The following RAD51B variants were observed in gnomAD, a reference collection of about 807,000 sequenced individuals.
RAD51B encodes the protein RAD51 paralog B.
Under a neutral mutation model 42.2 loss-of-function variants are expected in RAD51B, and 38 were observed. That is an observed-to-expected ratio of 0.90 (90% CI 0.70 to 1.18). RAD51B has a LOEUF of 1.18. Among genes scored for constraint, RAD51B ranks in the 50% most tolerant of loss-of-function variants. The pLI is 0.00. For synonymous variants in RAD51B, 154 were observed against 145.2 expected (o/e 1.06, Z -0.43); for missense variants, 373 against 400.7 (o/e 0.93, Z 0.59).
intron 10 of RAD51B, among the ~76,000 whole-genome samples, chr14:68,634,996 T>C (rs757368336): frequency 2.0e-5 from 3 of 152,326 alleles, no homozygotes; most frequent in Non-Finnish European, 4.4e-5. Context: ...GATGCATTAA[T>C]CCTTTCAAAA....
intron 8 of RAD51B, 45 bp downstream of exon 8, chr14:68,292,025 G>T (rs2081527674): frequency 6.7e-7 from 1 of 1,497,970 alleles, no homozygotes; most frequent in Non-Finnish European, 9.3e-7. Context: ...CACTGACATA[G>T]AGCCCCACTG....
chr14:67,969,547 A>G (rs1247042095), intron 7 of RAD51B, among the ~76,000 whole-genome samples: 3 of 152,158 alleles, frequency 2.0e-5, no homozygotes, highest in African/African-American at 7.2e-5. Flanking sequence ...CAAGAAGAAA[A>G]TTTGAAATAT....
chr14:68,446,207 A>G (rs1368195769), intron 9 of RAD51B, among the ~76,000 whole-genome samples: 1 of 152,216 alleles, frequency 6.6e-6, no homozygotes, highest in African/African-American at 2.4e-5. Context: ...AGTGGGTATT[A>G]CTACCCTGAA....
At chr14:68,470,666 AT>A (rs1474513054) in intron 10 of RAD51B, 36 of 469,256 alleles carry the variant, frequency 7.7e-5, no homozygotes, top group South Asian at 9.2e-5. Context: ...TGAAGAAAAA[AT>A]ATCAGATTAT....
chr14:67,903,922 T>C (rs2043694069), intron 7 of RAD51B, among the ~76,000 whole-genome samples: 2 of 152,168 alleles, frequency 1.3e-5, no homozygotes, highest in South Asian at 4.1e-4. Context: ...CACCCTCAAG[T>C]AGGCCCCCGT....
At chr14:68,306,988 G>A (rs572993852) in intron 8 of RAD51B, among the ~76,000 whole-genome samples, 3 of 149,180 alleles carry the variant, frequency 2.0e-5, no homozygotes, top group African/African-American at 7.4e-5. Flanking sequence ...AGCTCCTCTT[G>A]GATTGGATGA....
intron 11 of RAD51B, among the ~76,000 whole-genome samples, chr14:68,671,723 C>T (rs1374476044): frequency 6.6e-6 from 1 of 152,052 alleles, no homozygotes; most frequent in African/African-American, 2.4e-5. Flanking sequence ...TGTCCCCTAA[C>T]CTTGTCTCAG....
chr14:67,899,209 AT>A (rs1286049407), intron 7 of RAD51B, among the ~76,000 whole-genome samples: 172 of 144,414 alleles, frequency 1.2e-3, no homozygotes, highest in Middle Eastern at 3.6e-3. Context: ...CGCCCGGCTA[AT>A]TTTTTTTTTT....
At chr14:68,259,802 T>C (rs2080839684) in intron 7 of RAD51B, among the ~76,000 whole-genome samples, 1 of 152,168 alleles carries the variant, frequency 6.6e-6, no homozygotes, top group Admixed American at 6.5e-5. Context: ...TTGACCATGA[T>C]ACTGTGGACC....
At chr14:67,989,722 C>T (rs552015810) in intron 7 of RAD51B, among the ~76,000 whole-genome samples, 28 of 151,946 alleles carry the variant, frequency 1.8e-4, no homozygotes, top group African/African-American at 6.5e-4. Flanking sequence ...GGGGCAACCC[C>T]CCACAGGCCA....
downstream of RAD51B, among the ~76,000 whole-genome samples, chr14:68,596,262 A>AC (rs1347166454): frequency 1.3e-5 from 2 of 151,974 alleles, no homozygotes; most frequent in African/African-American, 4.8e-5. Context: ...TCGTACCCAA[A>AC]CTTTTTTTTT....
intron 9 of RAD51B, among the ~76,000 whole-genome samples, chr14:68,414,954 C>T (rs1232631840): frequency 6.9e-6 from 1 of 144,628 alleles, no homozygotes; most frequent in East Asian, 2.1e-4. Flanking sequence ...ATCACTTGAA[C>T]CCAGGAGGCA....
intron 7 of RAD51B, among the ~76,000 whole-genome samples, chr14:68,185,195 A>G (rs1369258050): frequency 6.6e-6 from 1 of 152,242 alleles, no homozygotes; most frequent in African/African-American, 2.4e-5. Context: ...CCACTACCTC[A>G]TAGGGTTTCT....
intron 5 of RAD51B, among the ~76,000 whole-genome samples, chr14:67,884,812 A>G (rs2043014657): frequency 6.6e-6 from 1 of 152,192 alleles, no homozygotes; most frequent in Non-Finnish European, 1.5e-5. Flanking sequence ...GTTCAAAAAT[A>G]CACTTAAAAA....
chr14:68,026,887 G>A (rs890579875), intron 7 of RAD51B, among the ~76,000 whole-genome samples: 3 of 152,050 alleles, frequency 2.0e-5, no homozygotes, highest in Admixed American at 6.6e-5. Context: ...TCATCATATT[G>A]TTGCCTGGTT....
At chr14:68,478,704 A>C (rs1315866249), downstream of RAD51B, among the ~76,000 whole-genome samples, 1 of 152,242 alleles carries the variant, frequency 6.6e-6, no homozygotes, top group African/African-American at 2.4e-5. Flanking sequence ...CTCCTCCATC[A>C]GAGATTTTTA....
intron 7 of RAD51B, among the ~76,000 whole-genome samples, chr14:68,192,401 A>T (rs190382185): frequency 1.9e-4 from 29 of 152,308 alleles, no homozygotes; most frequent in African/African-American, 7.0e-4. Flanking sequence ...TAAATAGTAT[A>T]TGTTGGCTTC....
At chr14:68,470,360 G>T (rs2086091035) in intron 10 of RAD51B, among the ~76,000 whole-genome samples, 1 of 152,126 alleles carries the variant, frequency 6.6e-6, no homozygotes, top group Non-Finnish European at 1.5e-5. Context: ...CAAACCTCTT[G>T]GCACACTCTG....
At chr14:68,595,873 AAT>A (rs958022201) in exon 11 of RAD51B, 8 of 294,926 alleles carry the variant, frequency 2.7e-5, no homozygotes, top group African/African-American at 1.5e-4. Flanking sequence ...TAACTGGAAA[AAT>A]ATGTATAAAA....
Sources: gnomAD v4.1 joint callset for allele counts (sites outside exome capture counted in the v4.1 genomes callset) on GRCh38, gnomAD v4.1.1 for gene constraint, MANE v1.5 for transcripts, NCBI Gene and HGNC (gene_info 2026-07-23, HGNC 2026-07-21) for gene names.